COG5: variants seen among roughly 807,000 people sequenced by gnomAD.
COG5 encodes the protein conserved oligomeric Golgi complex subunit 5.
COG5 carries 86 observed loss-of-function variants against 110.4 expected under a neutral mutation model. The ratio of observed to expected loss-of-function variants is 0.78; its 90% confidence interval spans 0.65 to 0.93. The LOEUF (loss-of-function observed/expected upper bound fraction) is 0.93. COG5 is among the 40% of genes least tolerant of loss of function. The probability of loss-of-function intolerance (pLI) is 0.00; values close to 1 mark genes in which losing one functional copy is unlikely to be tolerated. For missense variants in COG5, 1,077 were observed against 987.0 expected, an observed-to-expected ratio of 1.09 and a Z score of -1.22; for synonymous variants, 360 against 334.6, an observed-to-expected ratio of 1.08 and a Z score of -0.83.
chr7:107,494,547 C>T (rs1170596590), intron 6 of COG5, among the ~76,000 whole-genome samples: 2 of 152,026 alleles, frequency 1.3e-5, no homozygotes, highest in Non-Finnish European at 2.9e-5. Context: ...CTACAATATT[C>T]AATACAGCAA....
At position 107,527,236 on chromosome 7, in the gene COG5, C is replaced by T; in HGVS notation, c.538+1G>A. 6.5e-7 allele frequency: 1 copy of T among 1,540,730 alleles called. No homozygotes were observed. The highest frequency in any genetic ancestry group is 8.8e-7 in the Non-Finnish European group (1 of 1,142,146). On this transcript the variant is annotated splice_donor_variant, in intron 6 of 21. Transcript: ENST00000297135. LOFTEE classifies it high-confidence loss of function. The stretch of plus-strand genomic sequence containing the variant: ...TTATTTAAAAAAAAAAAAAAACTTA[C>T]CAAGTTCATTGAGACTCTGAGCAGC...
At chr7:107,416,276 T>C (rs1340218125) in intron 6 of COG5, among the ~76,000 whole-genome samples, 6 of 151,978 alleles carry the variant, frequency 3.9e-5, no homozygotes, top group Non-Finnish European at 5.9e-5. Context: ...TTTTGTAATA[T>C]ATTCATTCCA....
In COG5 at chr7:107,201,557, G is replaced by T; in HGVS notation, c.*1959C>A. 1 of 532,878 alleles carries T rather than the reference G, an allele frequency of 1.9e-6. No individual in the cohort carries two copies. The highest frequency in any genetic ancestry group is 3.3e-5 in the South Asian group (1 of 30,760). 33.0% of individuals were successfully genotyped at this position (532,878 alleles called of 1,614,324 possible). On this transcript the variant is annotated 3_prime_UTR_variant, in exon 22 of 22. Coordinates refer to ENST00000297135, the MANE Select transcript of COG5 (RefSeq NM_006348.5). ...GTGACCATAAGATACTGATAGCATT[G>T]AGTCTTGAAATGATTTAATAATATG...
chr7:107,427,723 G>T (rs868150944), intron 6 of COG5, among the ~76,000 whole-genome samples: 3 of 152,058 alleles, frequency 2.0e-5, no homozygotes, highest in Non-Finnish European at 4.4e-5. Context: ...CACCAGCTCA[G>T]CCTGTGGCTG....
intron 7 of COG5, among the ~76,000 whole-genome samples, chr7:107,378,731 T>C (rs1478919262): frequency 6.7e-6 from 1 of 149,548 alleles, no homozygotes; most frequent in East Asian, 2.0e-4. Context: ...GAGGAAAGAG[T>C]GAAAAGAAAT....
intron 19 of COG5, among the ~76,000 whole-genome samples, chr7:107,225,116 C>T (rs1259811741): frequency 6.6e-6 from 1 of 152,152 alleles, no homozygotes; most frequent in Non-Finnish European, 1.5e-5. Flanking sequence ...GCACTGTCAT[C>T]TTCCATTATG....
chr7:107,300,180 A>G (rs562101448), intron 11 of COG5, among the ~76,000 whole-genome samples: 1 of 152,200 alleles, frequency 6.6e-6, no homozygotes, highest in Admixed American at 6.5e-5. Flanking sequence ...AAAGGAACAC[A>G]CCCTTAACCT....
At chr7:107,558,150 T>C in intron 1 of COG5, 35 bp from the exon 2 acceptor site, 10 of 1,605,356 alleles carry the variant, frequency 6.2e-6, no homozygotes, top group Non-Finnish European at 8.5e-6. Flanking sequence ...AAGTCCTTAA[T>C]TACCCTGTAC....
intron 17 of COG5, among the ~76,000 whole-genome samples, chr7:107,245,587 T>C (rs12532293): frequency 0.52 from 78,911 of 151,936 alleles, 20,642 homozygotes; most frequent in African/African-American, 0.57. Context: ...AACTGAAAGC[T>C]AAATCAGAAA....
chr7:107,284,743 C>T (rs1805487469), intron 12 of COG5, among the ~76,000 whole-genome samples: 1 of 152,158 alleles, frequency 6.6e-6, no homozygotes. Context: ...TTTGATCTTA[C>T]ATTTTTCTTT....
chr7:107,264,588 G>A (rs1453411899), intron 14 of COG5, among the ~76,000 whole-genome samples: 3 of 151,994 alleles, frequency 2.0e-5, no homozygotes, highest in Non-Finnish European at 2.9e-5. Flanking sequence ...AGCTACTTGC[G>A]AGGCTAAGGT....
At chr7:107,410,262 T>G (rs535553097) in intron 7 of COG5, among the ~76,000 whole-genome samples, 2 of 152,188 alleles carry the variant, frequency 1.3e-5, no homozygotes, top group African/African-American at 4.8e-5. Context: ...TCAATTCTGA[T>G]GCATGGTGAA....
At chr7:107,329,915 TTTA>T (rs1366009384) in intron 10 of COG5, among the ~76,000 whole-genome samples, 15 of 152,100 alleles carry the variant, frequency 9.9e-5, no homozygotes, top group African/African-American at 3.4e-4. Context: ...AAAACAAAAT[TTTA>T]TTGTCAAAAC....
chr7:107,285,855 ACT>A (rs1200730472), intron 12 of COG5, among the ~76,000 whole-genome samples: 1 of 145,992 alleles, frequency 6.8e-6, no homozygotes, highest in Non-Finnish European at 1.5e-5. Context: ...ACACAGCAAG[ACT>A]CTGTCAAGAA....
rs894775112 is a variant in COG5 at position 107,365,363 on chromosome 7, C to T, written c.836-2943G>A. The stretch of plus-strand genomic sequence containing the variant: ...ATAGAAAATGTCAATTTCAAAGACA[C>T]AAACAATCAAACAAAACTTCAAACT... On this transcript the variant is annotated intron_variant, in intron 8 of 21. Coordinates refer to ENST00000297135, the MANE Select transcript of COG5 (RefSeq NM_006348.5). 2.4e-4 allele frequency among the ~76,000 whole-genome samples: 37 copies of T among 151,874 alleles called. 1 individual carries two copies. Among genetic ancestry groups the T allele is most frequent in the African/African-American group, 8.4e-4 (35 of 41,470 alleles).
At chr7:107,533,953 C>T (rs1801393523) in intron 5 of COG5, among the ~76,000 whole-genome samples, 1 of 151,668 alleles carries the variant, frequency 6.6e-6, no homozygotes, top group African/African-American at 2.4e-5. Context: ...GCCCATCAGA[C>T]TAACAGCAGA....
chr7:107,209,709 G>T, intron 21 of COG5: 1 of 552,216 alleles, frequency 1.8e-6, no homozygotes, highest in Non-Finnish European at 2.3e-6. Flanking sequence ...AGAGGACAGG[G>T]CCATATCTCG....
At chr7:107,262,539 C>T (rs115189811) in intron 14 of COG5, among the ~76,000 whole-genome samples, 1 of 152,040 alleles carries the variant, frequency 6.6e-6, no homozygotes, top group Admixed American at 6.6e-5. Flanking sequence ...CAAGTCAATG[C>T]CTGAGTGTGA....
At chr7:107,379,198 A>G (rs971910072) in intron 7 of COG5, among the ~76,000 whole-genome samples, 19 of 152,180 alleles carry the variant, frequency 1.2e-4, no homozygotes, top group Non-Finnish European at 2.5e-4. Context: ...GAGAAAGAAA[A>G]TCCTTTACAG....
Sources: allele counts gnomAD v4.1 joint callset (sites outside exome capture counted in the v4.1 genomes callset), GRCh38; gene constraint gnomAD v4.1.1; transcripts MANE v1.5; gene names NCBI Gene and HGNC (gene_info 2026-07-23, HGNC 2026-07-21).